The following TMEM178A variants were observed in gnomAD, a reference collection of about 807,000 sequenced individuals.
TMEM178A encodes the protein transmembrane protein 178A, also known as transmembrane protein 178.
Under a neutral mutation model 29.1 loss-of-function variants are expected in TMEM178A, and 12 were observed. The observed-to-expected ratio is 0.41, with a 90% CI of 0.26 to 0.67. TMEM178A has a LOEUF of 0.67. Among genes scored for constraint, TMEM178A ranks in the 30% least tolerant of loss-of-function variants. The pLI is 0.29. For synonymous variants in TMEM178A, 210 were observed against 187.2 expected, an observed-to-expected ratio of 1.12 and a Z score of -0.99; for missense variants, 366 against 419.1, an observed-to-expected ratio of 0.87 and a Z score of 1.11.
intron 3 of TMEM178A, among the ~76,000 whole-genome samples, chr2:39,707,560 C>T (rs1331244182): frequency 6.6e-6 from 1 of 152,186 alleles, no homozygotes; most frequent in African/African-American, 2.4e-5. Flanking sequence ...CAACCTCTGT[C>T]TCCTGGGTTC....
At chr2:39,690,955 G>C (rs574317695) in intron 1 of TMEM178A, among the ~76,000 whole-genome samples, 64 of 152,246 alleles carry the variant, frequency 4.2e-4, no homozygotes, top group African/African-American at 1.5e-3. Context: ...TCTACAGAGA[G>C]CCTCAATAAC....
At chr2:39,726,151 GTAA>G in the TMEM178A span, among the ~76,000 whole-genome samples, 2 of 152,204 alleles carry the variant, frequency 1.3e-5, no homozygotes, top group Non-Finnish European at 2.9e-5. Flanking sequence ...GAGACAGACA[GTAA>G]TAAAACAGGG....
intron 1 of TMEM178A, among the ~76,000 whole-genome samples, chr2:39,693,061 C>T (rs1262301778): frequency 6.6e-5 from 10 of 152,056 alleles, no homozygotes; most frequent in Non-Finnish European, 1.3e-4. Flanking sequence ...TTGCAGTGAG[C>T]GGAGACCGTG....
intron 3 of TMEM178A, among the ~76,000 whole-genome samples, chr2:39,714,243 G>C (rs1039297138): frequency 9.9e-5 from 15 of 152,122 alleles, no homozygotes; most frequent in African/African-American, 2.9e-4. Context: ...GATGGAGAGA[G>C]GGGATGGATT....
At chr2:39,693,603 C>G (rs551895239) in intron 1 of TMEM178A, among the ~76,000 whole-genome samples, 1 of 152,088 alleles carries the variant, frequency 6.6e-6, no homozygotes, top group Non-Finnish European at 1.5e-5. Context: ...TTGTGGTTCT[C>G]TTGTCTCCTG....
chr2:39,716,960 T>C, intron 3 of TMEM178A, 50 bp from the exon 4 acceptor site: 1 of 1,573,122 alleles, frequency 6.4e-7, no homozygotes, highest in South Asian at 1.2e-5. Context: ...ATTTGTCTTG[T>C]AACAGGCAAA....
At chr2:39,691,918 C>T (rs370634713) in intron 1 of TMEM178A, among the ~76,000 whole-genome samples, 5 of 151,598 alleles carry the variant, frequency 3.3e-5, no homozygotes, top group East Asian at 3.9e-4. Flanking sequence ...ATTTAGGTTG[C>T]TTCTTGGCTA....
the TMEM178A span, among the ~76,000 whole-genome samples, chr2:39,728,762 A>T: frequency 6.6e-6 from 1 of 152,016 alleles, no homozygotes; most frequent in Non-Finnish European, 1.5e-5. Context: ...TTTTGGTCAC[A>T]GAGTCCACCC....
chr2:39,675,182 T>C (rs996198474), intron 1 of TMEM178A, among the ~76,000 whole-genome samples: 1 of 152,190 alleles, frequency 6.6e-6, no homozygotes, highest in Non-Finnish European at 1.5e-5. Context: ...GATTTTTGTA[T>C]AGAAGATGTA....
chr2:39,680,110 C>G (rs1670804395), intron 1 of TMEM178A, among the ~76,000 whole-genome samples: 1 of 152,130 alleles, frequency 6.6e-6, no homozygotes, highest in Non-Finnish European at 1.5e-5. Flanking sequence ...CTTTACTCTG[C>G]TCTTAACTAG....
the TMEM178A span, among the ~76,000 whole-genome samples, chr2:39,725,178 G>A: frequency 6.6e-6 from 1 of 152,198 alleles, no homozygotes; most frequent in East Asian, 1.9e-4. Flanking sequence ...CAGCCATGTA[G>A]AGCCATGCGG....
chr2:39,704,734 C>A (rs142842763), intron 2 of TMEM178A, among the ~76,000 whole-genome samples: 231 of 152,268 alleles, frequency 1.5e-3, no homozygotes, highest in Middle Eastern at 6.8e-3. Context: ...CAGTGTGAAA[C>A]TAAAGAGGGC....
intron 1 of TMEM178A, among the ~76,000 whole-genome samples, chr2:39,670,842 T>G (rs1176197401): frequency 1.3e-5 from 2 of 152,218 alleles, no homozygotes; most frequent in African/African-American, 4.8e-5. Context: ...TCACTTTAAC[T>G]TTTTAATGAA....
At chr2:39,713,374 G>A (rs934174914) in intron 3 of TMEM178A, among the ~76,000 whole-genome samples, 8 of 152,162 alleles carry the variant, frequency 5.3e-5, no homozygotes, top group African/African-American at 1.9e-4. Context: ...ATACTCACAT[G>A]TGTGTGGAAT....
At chr2:39,673,227 G>A (rs1038311631) in intron 1 of TMEM178A, among the ~76,000 whole-genome samples, 3 of 152,204 alleles carry the variant, frequency 2.0e-5, no homozygotes, top group Non-Finnish European at 4.4e-5. Flanking sequence ...TTTGTTTGCT[G>A]CAGAGTCACG....
chr2:39,714,983 C>G (rs139401339), intron 3 of TMEM178A, among the ~76,000 whole-genome samples: 10 of 152,290 alleles, frequency 6.6e-5, no homozygotes, highest in African/African-American at 2.4e-4. Context: ...TTAGGGACTT[C>G]AGTAATCAAG....
At chr2:39,670,344 G>A (rs747250097) in intron 1 of TMEM178A, among the ~76,000 whole-genome samples, 6 of 152,198 alleles carry the variant, frequency 3.9e-5, no homozygotes, top group Non-Finnish European at 8.8e-5. Flanking sequence ...TGGAGTGTTG[G>A]TTATTGTACC....
intron 1 of TMEM178A, among the ~76,000 whole-genome samples, chr2:39,699,609 A>G (rs945826813): frequency 6.6e-6 from 1 of 151,936 alleles, no homozygotes; most frequent in Non-Finnish European, 1.5e-5. Flanking sequence ...GGTGCGTGCC[A>G]TCATGCCTGG....
At chr2:39,669,017 T>C (rs1670295225) in intron 1 of TMEM178A, among the ~76,000 whole-genome samples, 1 of 152,242 alleles carries the variant, frequency 6.6e-6, no homozygotes, top group South Asian at 2.1e-4. Context: ...CTGTATCTAA[T>C]TTTAAAATTT....
Sources: allele counts gnomAD v4.1 joint callset (sites outside exome capture counted in the v4.1 genomes callset), GRCh38; gene constraint gnomAD v4.1.1; transcripts MANE v1.5; gene names NCBI Gene and HGNC (gene_info 2026-07-23, HGNC 2026-07-21).